SPAG16: variants seen among roughly 807,000 people sequenced by gnomAD.
The protein encoded by SPAG16 is sperm associated antigen 16.
Under a neutral mutation model 80.4 loss-of-function variants are expected in SPAG16, and 86 were observed. The observed-to-expected ratio is 1.07, with a 90% CI of 0.90 to 1.28. The LOEUF is 1.28. SPAG16 is among the 50% of genes most tolerant of loss of function. The probability of loss-of-function intolerance (pLI) is 0.00; values close to 1 mark genes in which losing one functional copy is unlikely to be tolerated. For synonymous variants in SPAG16, 294 were observed against 265.9 expected (o/e 1.11, Z -1.03); for missense variants, 870 against 765.3 (o/e 1.14, Z -1.61).
chr2:213,491,939 A>G (rs1176671809), intron 10 of SPAG16, among the ~76,000 whole-genome samples: 1 of 152,204 alleles, frequency 6.6e-6, no homozygotes, highest in Non-Finnish European at 1.5e-5. Flanking sequence ...TAAAGGAAAA[A>G]TAATCACTAG....
chr2:213,453,885 G>T (rs73986873), intron 9 of SPAG16, among the ~76,000 whole-genome samples: 2 of 152,158 alleles, frequency 1.3e-5, no homozygotes, highest in African/African-American at 2.4e-5. Context: ...CAAAAACATT[G>T]CAGAGGAAAG....
At chr2:214,258,834 T>G (rs1473564396) in intron 15 of SPAG16, among the ~76,000 whole-genome samples, 1 of 152,044 alleles carries the variant, frequency 6.6e-6, no homozygotes, top group Non-Finnish European at 1.5e-5. Flanking sequence ...ATTAATCCTA[T>G]CTAGTGAATT....
At chr2:213,445,672 A>G (rs949339154) in intron 9 of SPAG16, among the ~76,000 whole-genome samples, 3 of 152,194 alleles carry the variant, frequency 2.0e-5, no homozygotes, top group African/African-American at 4.8e-5. Context: ...GTCTCAAAAA[A>G]AATGACCAAC....
At chr2:213,388,464 T>C (rs1349178159) in intron 9 of SPAG16, among the ~76,000 whole-genome samples, 12 of 152,124 alleles carry the variant, frequency 7.9e-5, no homozygotes, top group Non-Finnish European at 1.5e-5. Context: ...TGGGGAAAAT[T>C]AGAAAGTGAC....
intron 14 of SPAG16, among the ~76,000 whole-genome samples, chr2:214,137,344 A>G (rs950672129): frequency 5.3e-5 from 8 of 152,130 alleles, no homozygotes; most frequent in African/African-American, 1.7e-4. Flanking sequence ...ATATATTTAT[A>G]TATGTTATCT....
At chr2:213,769,821 T>A (rs2069142065) in intron 10 of SPAG16, among the ~76,000 whole-genome samples, 1 of 152,184 alleles carries the variant, frequency 6.6e-6, no homozygotes, top group Non-Finnish European at 1.5e-5. Context: ...CATATACAGT[T>A]TGATCATCTT....
intron 10 of SPAG16, among the ~76,000 whole-genome samples, chr2:213,752,138 G>A (rs1195413419): frequency 2.0e-5 from 3 of 152,002 alleles, no homozygotes; most frequent in Non-Finnish European, 2.9e-5. Context: ...AATAACACAC[G>A]TATTCCAACA....
chr2:213,921,532 T>C (rs760095664), intron 11 of SPAG16, among the ~76,000 whole-genome samples: 45 of 152,310 alleles, frequency 3.0e-4, no homozygotes, highest in Non-Finnish European at 4.6e-4. Flanking sequence ...CTGTTTACAT[T>C]CAAGGTTACT....
At chr2:213,789,746 A>G (rs1051892561) in intron 10 of SPAG16, among the ~76,000 whole-genome samples, 1 of 151,910 alleles carries the variant, frequency 6.6e-6, no homozygotes, top group African/African-American at 2.4e-5. Context: ...AGAATTTCCA[A>G]ATAGATTGAT....
intron 10 of SPAG16, among the ~76,000 whole-genome samples, chr2:213,742,595 C>T (rs1449307216): frequency 6.7e-6 from 1 of 149,376 alleles, no homozygotes; most frequent in Non-Finnish European, 1.5e-5. Flanking sequence ...TCTTGTCGCC[C>T]AGGCTGGAGT....
chr2:214,190,256 A>T (rs2057619916), intron 15 of SPAG16, among the ~76,000 whole-genome samples: 1 of 152,100 alleles, frequency 6.6e-6, no homozygotes, highest in South Asian at 2.1e-4. Context: ...ACTAAGATTA[A>T]AAGGGAATAT....
At chr2:213,521,999 T>C (rs1341625492) in intron 10 of SPAG16, among the ~76,000 whole-genome samples, 3 of 152,132 alleles carry the variant, frequency 2.0e-5, no homozygotes, top group Non-Finnish European at 4.4e-5. Flanking sequence ...TTATAAGCAA[T>C]AGTGTGAGCA....
chr2:213,674,819 AT>A (rs1487275260), intron 10 of SPAG16, among the ~76,000 whole-genome samples: 1 of 150,094 alleles, frequency 6.7e-6, no homozygotes, highest in Admixed American at 6.6e-5. Context: ...AGTCTTTGCT[AT>A]TGTGAATAGT....
chr2:214,404,043 T>C (rs552763405), intron 15 of SPAG16, among the ~76,000 whole-genome samples: 1 of 152,194 alleles, frequency 6.6e-6, no homozygotes, highest in South Asian at 2.1e-4. Context: ...TATTCCACTA[T>C]AGGGAATTAC....
chr2:213,541,538 C>T (rs1199780255), intron 10 of SPAG16, among the ~76,000 whole-genome samples: 2 of 152,024 alleles, frequency 1.3e-5, no homozygotes, highest in African/African-American at 4.8e-5. Context: ...GAGGATAGCT[C>T]GAACCCAAGA....
intron 9 of SPAG16, among the ~76,000 whole-genome samples, chr2:213,402,417 G>GT (rs879367443): frequency 7.1e-4 from 107 of 151,464 alleles, no homozygotes; most frequent in Middle Eastern, 3.4e-3. Flanking sequence ...TTTATTTATA[G>GT]TTTTTTTTAA....
intron 15 of SPAG16, among the ~76,000 whole-genome samples, chr2:214,360,917 A>G (rs535752900): frequency 6.6e-6 from 1 of 151,930 alleles, no homozygotes; most frequent in South Asian, 2.1e-4. Context: ...AGAGGAAGAG[A>G]AAATGATTTT....
intron 15 of SPAG16, among the ~76,000 whole-genome samples, chr2:214,388,549 A>G (rs1270939591): frequency 6.6e-6 from 1 of 152,198 alleles, no homozygotes; most frequent in Non-Finnish European, 1.5e-5. Flanking sequence ...TATTAAAATC[A>G]CCTTCATCAA....
At chr2:213,926,228 C>T (rs922243672) in intron 11 of SPAG16, among the ~76,000 whole-genome samples, 20 of 151,964 alleles carry the variant, frequency 1.3e-4, no homozygotes, top group African/African-American at 4.6e-4. Context: ...CAAATATGTA[C>T]TTTATTTATT....
Sources: allele counts gnomAD v4.1 joint callset (sites outside exome capture counted in the v4.1 genomes callset), GRCh38; gene constraint gnomAD v4.1.1; transcripts MANE v1.5; gene names NCBI Gene and HGNC (gene_info 2026-07-23, HGNC 2026-07-21).